SLC7A1: variants seen among roughly 807,000 people sequenced by gnomAD.
SLC7A1 encodes solute carrier family 7 member 1.
In SLC7A1, 10 loss-of-function variants were observed where a neutral mutation model predicts 53.9. That is an observed-to-expected ratio of 0.19 (90% CI 0.11 to 0.31). The LOEUF (loss-of-function observed/expected upper bound fraction) is 0.31. Ranked by LOEUF, SLC7A1 falls within the 10% of genes least tolerant of loss-of-function variation. SLC7A1 has a pLI of 1.00. For missense variants in SLC7A1, 525 were observed against 827.2 expected (o/e 0.63, Z 4.48); for synonymous variants, 342 against 338.7 (o/e 1.01, Z -0.11).
chr13:29,529,529 G>A (rs191913005), intron 5 of SLC7A1, among the ~76,000 whole-genome samples: 2 of 152,314 alleles, frequency 1.3e-5, no homozygotes, highest in Non-Finnish European at 2.9e-5. Context: ...GGAAGAGCTG[G>A]GTCATGCTCG....
At chr13:29,563,394 T>C (rs887666281) in intron 1 of SLC7A1, among the ~76,000 whole-genome samples, 3 of 152,248 alleles carry the variant, frequency 2.0e-5, no homozygotes, top group African/African-American at 7.2e-5. Flanking sequence ...CTATTTAAAT[T>C]GTAATATTAA....
At chr13:29,535,696 A>G in intron 3 of SLC7A1, 123 bp downstream of exon 3, 2 of 936,342 alleles carry the variant, frequency 2.1e-6, no homozygotes, top group Non-Finnish European at 3.2e-6. Flanking sequence ...GAAACATCCT[A>G]TTAATTCTGT....
rs764894723 is a variant in SLC7A1, at chr13:29,514,467, G to C, written c.*13C>G. ...TCGGGGCTGCTGCCACCTCCGGGGG[G>C]CGGGGCTGTGCGTCACTTGCACTGG... On this transcript the variant is annotated 3_prime_UTR_variant, in exon 13 of 13. Coordinates refer to ENST00000380752, the MANE Select transcript of SLC7A1 (RefSeq NM_003045.5). The C allele has an allele frequency of 9.4e-6, 15 of 1,599,718 alleles. No individual in the cohort carries two copies. Among genetic ancestry groups the C allele is most frequent in the Non-Finnish European group, 1.3e-5 (15 of 1,174,086 alleles).
At chr13:29,524,903 T>C (rs990669370) in intron 5 of SLC7A1, among the ~76,000 whole-genome samples, 2 of 151,870 alleles carry the variant, frequency 1.3e-5, no homozygotes, top group African/African-American at 4.8e-5. Flanking sequence ...AACTCAGGAG[T>C]CCAGAAGAAG....
chr13:29,512,028 A>G lies in SLC7A1; in HGVS notation c.*2452T>C, dbSNP rs994502195. Reference sequence around the variant, plus strand: ...GGAAAGAAATGAGGGATATGATAAGAAAAAGTCTATTAAAATTGTAAGGCT... The same window carrying G: ...GGAAAGAAATGAGGGATATGATAAGGAAAAGTCTATTAAAATTGTAAGGCT... On this transcript the variant is annotated 3_prime_UTR_variant, in exon 13 of 13. Coordinates refer to ENST00000380752, the MANE Select transcript of SLC7A1 (RefSeq NM_003045.5). 1 of 152,118 alleles carries G rather than the reference A, an allele frequency of 6.6e-6. No individual in the cohort carries two copies. Among genetic ancestry groups the G allele is most frequent in the Non-Finnish European group, 1.5e-5 (1 of 68,030 alleles). The allele number at this position is 152,118 out of a possible 1,614,324, so 9.4% of individuals were successfully genotyped here. A position where few individuals can be genotyped will look rare whatever the true frequency, so the allele number is the denominator to read the frequency against.
At chr13:29,536,333 C>T (rs546198143) in intron 2 of SLC7A1, 131 bp from the exon 3 acceptor site, 85 of 949,350 alleles carry the variant, frequency 9.0e-5, no homozygotes, top group Middle Eastern at 2.7e-4. Context: ...CGCTTTAATT[C>T]GTAGAATTCC....
chr13:29,522,134 G>A (rs538308599), intron 8 of SLC7A1, among the ~76,000 whole-genome samples, 183 bp downstream of exon 8: 4 of 152,284 alleles, frequency 2.6e-5, no homozygotes, highest in South Asian at 2.1e-4. Flanking sequence ...TCTGTCAAAC[G>A]GGCCTCTGCC....
In SLC7A1 at chr13:29,512,622, C is replaced by T. The variant is rs1403051399; in HGVS notation, c.*1858G>A. The T allele has an allele frequency of 6.6e-6, 1 of 152,140 alleles. No individual in the cohort carries two copies. The highest frequency in any genetic ancestry group is 1.5e-5 in the Non-Finnish European group (1 of 68,022). The allele number at this position is 152,140 out of a possible 1,614,324, so 9.4% of individuals were successfully genotyped here. On this transcript the variant is annotated 3_prime_UTR_variant, in exon 13 of 13. Transcript: ENST00000380752. ...AGACAAGAGACAACCAAAACCCCAA[C>T]AAAATAAGTTAGTATTTATCAAAAT...
chr13:29,554,964 C>G (rs1870363667), intron 1 of SLC7A1, among the ~76,000 whole-genome samples: 1 of 152,328 alleles, frequency 6.6e-6, no homozygotes, highest in African/African-American at 2.4e-5. Flanking sequence ...TGCTTTATCC[C>G]TCTTTAGACA....
At chr13:29,548,075 G>A (rs955263712) in intron 2 of SLC7A1, among the ~76,000 whole-genome samples, 2 of 152,122 alleles carry the variant, frequency 1.3e-5, no homozygotes, top group African/African-American at 2.4e-5. Flanking sequence ...CAAGAGTCAC[G>A]GAAGTGTAAC....
At chr13:29,579,921 A>G (rs280932) in intron 1 of SLC7A1, among the ~76,000 whole-genome samples, 148,007 of 152,238 alleles carry the variant, frequency 0.97, 72,087 homozygotes, top group East Asian at 1. Context: ...GGTCTCTGTC[A>G]TCGTCCTCCT....
At chr13:29,592,733 G>A (rs1355583570) in intron 1 of SLC7A1, among the ~76,000 whole-genome samples, 1 of 152,150 alleles carries the variant, frequency 6.6e-6, no homozygotes, top group East Asian at 1.9e-4. Context: ...CTACTACTCT[G>A]TTCCCTCACG....
chr13:29,538,769 G>C (rs1221666966), intron 2 of SLC7A1, among the ~76,000 whole-genome samples: 1 of 152,244 alleles, frequency 6.6e-6, no homozygotes, highest in Admixed American at 6.5e-5. Context: ...TTGCAACATA[G>C]CCCTCAGCTG....
Position 29,591,188 on chromosome 13 carries a change from T to C in SLC7A1, c.-115+4228A>G, listed in dbSNP as rs536446080. 9.2e-5 allele frequency among the ~76,000 whole-genome samples: 14 copies of C among 152,322 alleles called. No homozygotes were observed. In the East Asian group the frequency reaches 2.7e-3, roughly 29 times the overall value. On this transcript the variant is annotated intron_variant, in intron 1 of 12. Transcript: ENST00000380752. ...TCCAGTATAATAGTTAACACTTACA[T>C]GCAACATTTAGACTTGTGCCAGAGG... is the stretch of plus-strand genomic sequence containing the variant.
intron 1 of SLC7A1, among the ~76,000 whole-genome samples, chr13:29,572,558 T>C (rs1382221353): frequency 6.6e-6 from 1 of 152,142 alleles, no homozygotes; most frequent in Non-Finnish European, 1.5e-5. Context: ...TGCCATCAGT[T>C]ATCATCAATA....
chr13:29,535,247 C>T (rs926279137), intron 3 of SLC7A1, among the ~76,000 whole-genome samples: 1 of 152,184 alleles, frequency 6.6e-6, no homozygotes, highest in African/African-American at 2.4e-5. Context: ...ATACATTACG[C>T]TGTGTATATA....
chr13:29,535,714 G>C (rs186089150), intron 3 of SLC7A1, 105 bp downstream of exon 3: 3 of 1,111,994 alleles, frequency 2.7e-6, no homozygotes, highest in African/African-American at 1.6e-5. Context: ...TGTGCCTCTC[G>C]TGTTAACAAG....
chr13:29,588,148 A>C (rs1419164536), intron 1 of SLC7A1, among the ~76,000 whole-genome samples: 1 of 152,206 alleles, frequency 6.6e-6, no homozygotes, highest in Non-Finnish European at 1.5e-5. Context: ...CTCCTTCCCC[A>C]AAAATACTTA....
chr13:29,525,464 T>C (rs764246205), intron 5 of SLC7A1, among the ~76,000 whole-genome samples: 15 of 152,218 alleles, frequency 9.9e-5, no homozygotes, highest in East Asian at 5.8e-4. Flanking sequence ...CCCAGTCCTA[T>C]AAACACTGAC....
Sources: gnomAD v4.1 joint callset for allele counts (sites outside exome capture counted in the v4.1 genomes callset) on GRCh38, gnomAD v4.1.1 for gene constraint, MANE v1.5 for transcripts, NCBI Gene and HGNC (gene_info 2026-07-23, HGNC 2026-07-21) for gene names.